DHRSX: variants seen among roughly 807,000 people sequenced by gnomAD.
DHRSX encodes the protein polyprenol dehydrogenase.
DHRSX carries 31 observed loss-of-function variants against 34.0 expected under a neutral mutation model. The ratio of observed to expected loss-of-function variants is 0.91; its 90% CI spans 0.69 to 1.23. The LOEUF (loss-of-function observed/expected upper bound fraction) is 1.23. DHRSX is among the 50% of genes most tolerant of loss of function. The pLI, the probability that DHRSX is intolerant of heterozygous loss-of-function variation, is 0.00. For synonymous variants in DHRSX, 201 were observed against 183.8 expected (o/e 1.09, Z -0.76); for missense variants, 414 against 428.1 (o/e 0.97, Z 0.29).
At chrX:2,345,991 C>T (rs1180373047) in intron 3 of DHRSX, among the ~76,000 whole-genome samples, 4 of 152,198 alleles carry the variant, frequency 2.6e-5, no homozygotes, top group Admixed American at 6.5e-5. Flanking sequence ...GACTCAGACA[C>T]ACAGTTCCCT....
chrX:2,389,447 C>T (rs1176547674), intron 3 of DHRSX, among the ~76,000 whole-genome samples: 1 of 152,156 alleles, frequency 6.6e-6, no homozygotes, highest in South Asian at 2.1e-4. Flanking sequence ...GGTTTCGTGT[C>T]CACCTCTGTT....
intron 1 of DHRSX, among the ~76,000 whole-genome samples, chrX:2,441,275 G>A (rs764130238): frequency 1.3e-5 from 2 of 152,312 alleles, no homozygotes; most frequent in South Asian, 4.1e-4. Context: ...TATTTGACAG[G>A]AGGGGAAGAG....
At chrX:2,247,611 G>T (rs964149251) in intron 5 of DHRSX, among the ~76,000 whole-genome samples, 4 of 141,502 alleles carry the variant, frequency 2.8e-5, no homozygotes, top group African/African-American at 1.1e-4. Context: ...CCGAGATTGC[G>T]CCACTGCACT....
intron 5 of DHRSX, among the ~76,000 whole-genome samples, chrX:2,252,923 G>A (rs1295380873): frequency 2.0e-5 from 3 of 149,986 alleles, no homozygotes; most frequent in Non-Finnish European, 4.5e-5. Flanking sequence ...GGTGGCTCGC[G>A]CATGTAATCT....
At chrX:2,408,616 G>A in intron 3 of DHRSX, 129 bp downstream of exon 3, 3 of 784,024 alleles carry the variant, frequency 3.8e-6, no homozygotes, top group Non-Finnish European at 6.3e-6. Context: ...AAAGAAGAGT[G>A]CAAAAATCAG....
intron 3 of DHRSX, among the ~76,000 whole-genome samples, chrX:2,306,921 T>TG (rs2042104258): frequency 8.9e-6 from 1 of 112,402 alleles, no homozygotes; most frequent in Non-Finnish European, 1.8e-5. Context: ...TGTCTGGTCT[T>TG]GGGGCTTTTT....
intron 3 of DHRSX, among the ~76,000 whole-genome samples, chrX:2,400,344 A>C (rs1349740329): frequency 6.6e-6 from 1 of 152,158 alleles, no homozygotes; most frequent in Non-Finnish European, 1.5e-5. Flanking sequence ...CCTTCTACCC[A>C]ATCCGAAAGT....
intron 3 of DHRSX, among the ~76,000 whole-genome samples, chrX:2,296,370 A>T (rs2041931736): frequency 1.3e-5 from 2 of 152,188 alleles, no homozygotes; most frequent in South Asian, 4.1e-4. Flanking sequence ...GGAAAAAGAG[A>T]AAAGAAGAAA....
intron 3 of DHRSX, among the ~76,000 whole-genome samples, chrX:2,403,705 A>T (rs2043516252): frequency 6.6e-6 from 1 of 151,904 alleles, no homozygotes; most frequent in African/African-American, 2.4e-5. Flanking sequence ...AAATACAAAA[A>T]ATTAGCCGGG....
intron 1 of DHRSX, among the ~76,000 whole-genome samples, chrX:2,469,080 A>G (rs1225902311): frequency 1.3e-5 from 2 of 150,546 alleles, no homozygotes; most frequent in Non-Finnish European, 3.0e-5. Context: ...ATTCCGAAGC[A>G]TGTGGCTAAG....
chrX:2,440,805 G>A (rs1277357684), intron 1 of DHRSX, among the ~76,000 whole-genome samples: 2 of 152,158 alleles, frequency 1.3e-5, no homozygotes, highest in Admixed American at 6.5e-5. Flanking sequence ...GCTTGCAGAC[G>A]GCCTATTGTG....
chrX:2,262,074 C>A (rs2041370885), intron 5 of DHRSX, among the ~76,000 whole-genome samples: 1 of 152,156 alleles, frequency 6.6e-6, no homozygotes, highest in African/African-American at 2.4e-5. Flanking sequence ...TGTGTGGAGC[C>A]CCGAGTGGGC....
At chrX:2,452,482 G>A (rs1285868951) in intron 1 of DHRSX, among the ~76,000 whole-genome samples, 1 of 151,766 alleles carries the variant, frequency 6.6e-6, no homozygotes, top group East Asian at 1.9e-4. Context: ...CACTGAAGAC[G>A]TTCCCTAACC....
At chrX:2,242,892 C>T in intron 6 of DHRSX, 131 bp downstream of exon 6, 1 of 839,514 alleles carries the variant, frequency 1.2e-6, no homozygotes, top group South Asian at 1.7e-5. Flanking sequence ...CTTCTCTTTC[C>T]ACCACTGAGC....
Position 2,243,799 on chromosome X carries a change from T to TTTTTGTTTTG in DHRSX, c.597-570_597-569insCAAAACAAAA, listed in dbSNP as rs1569478878. ...CCACTATGCTCCCTGTTTTTTTTTTTTTTTTTTTTTTTTTTTTTTTTTTGA... is the reference window on the plus strand; with the variant it reads ...CCACTATGCTCCCTGTTTTTTTTTTTTTTTGTTTTGTTTTTTTTTTTTTTTTTTTTTTTGA... On this transcript the variant is annotated intron_variant, in intron 5 of 6. Coordinates refer to ENST00000334651, the MANE Select transcript of DHRSX (RefSeq NM_145177.3). Among the ~76,000 whole-genome samples the TTTTTGTTTTG allele has an allele frequency of 3.2e-3, 74 of 23,352 alleles. 1 individual carries two copies. The highest frequency in any genetic ancestry group is 5.7e-3 in the African/African-American group (69 of 12,116). The allele number at this position is 23,352 out of a possible 152,430, so 15.3% of individuals were successfully genotyped here. A position where few individuals can be genotyped will look rare whatever the true frequency, so the allele number is the denominator to read the frequency against.
At chrX:2,360,781 T>TG (rs1410274105) in intron 3 of DHRSX, among the ~76,000 whole-genome samples, 2 of 151,948 alleles carry the variant, frequency 1.3e-5, no homozygotes, top group Non-Finnish European at 2.9e-5. Context: ...TGTGGGCAGA[T>TG]GCTTAGACAG....
chrX:2,371,464 C>G (rs1342095351), intron 3 of DHRSX, among the ~76,000 whole-genome samples: 1 of 142,010 alleles, frequency 7.0e-6, no homozygotes, highest in Non-Finnish European at 1.6e-5. Flanking sequence ...AGTCCCTCCT[C>G]GTTACCATAG....
At chrX:2,270,066 T>C (rs975877875) in intron 4 of DHRSX, among the ~76,000 whole-genome samples, 1 of 152,182 alleles carries the variant, frequency 6.6e-6, no homozygotes, top group Non-Finnish European at 1.5e-5. Flanking sequence ...CGTAGGTGTA[T>C]ACATTTTTTG....
chrX:2,486,686 C>T (rs983268160), intron 1 of DHRSX: 4 of 152,300 alleles, frequency 2.6e-5, no homozygotes, highest in African/African-American at 9.6e-5. Flanking sequence ...AGGGAGCAAC[C>T]CCAAAGCCTG....
Sources: gnomAD v4.1 joint callset for allele counts (sites outside exome capture counted in the v4.1 genomes callset) on GRCh38, gnomAD v4.1.1 for gene constraint, MANE v1.5 for transcripts, NCBI Gene and HGNC (gene_info 2026-07-23, HGNC 2026-07-21) for gene names.